The following TBX5 variants were observed in gnomAD, a reference collection of about 807,000 sequenced individuals.
TBX5 encodes T-box transcription factor 5, also known as T-box transcription factor TBX5.
TBX5 carries 8 observed loss-of-function variants against 51.1 expected under a neutral mutation model. The observed-to-expected ratio is 0.16, with a 90% CI of 0.09 to 0.28. The LOEUF is 0.28. Among genes scored for constraint, TBX5 ranks in the 10% least tolerant of loss-of-function variants. The probability of loss-of-function intolerance (pLI) is 1.00; values close to 1 mark genes in which losing one functional copy is unlikely to be tolerated. For missense variants in TBX5, 589 were observed against 671.7 expected, an observed-to-expected ratio of 0.88 and a Z score of 1.36; for synonymous variants, 302 against 266.4, an observed-to-expected ratio of 1.13 and a Z score of -1.30.
intron 7 of TBX5, among the ~76,000 whole-genome samples, chr12:114,368,020 C>T (rs1206296056): frequency 3.9e-5 from 6 of 152,130 alleles, no homozygotes; most frequent in African/African-American, 1.2e-4. Flanking sequence ...GTCAGTAAAT[C>T]CCAAACTTCA....
At chr12:114,398,489 C>T in intron 5 of TBX5, 84 bp downstream of exon 5, 8 of 1,549,334 alleles carry the variant, frequency 5.2e-6, no homozygotes, top group Non-Finnish European at 7.0e-6. Context: ...GCACACAGAG[C>T]CAAGAAGGGA....
intron 7 of TBX5, among the ~76,000 whole-genome samples, chr12:114,372,376 C>T (rs762119835): frequency 1.9e-4 from 29 of 152,108 alleles, no homozygotes; most frequent in African/African-American, 1.2e-4. Context: ...ATGAACATAG[C>T]TCACGGTGAC....
rs1445260126 is a variant in TBX5 at position 114,360,811 on chromosome 12, G to A, written c.983-4705C>T. On this transcript the variant is annotated intron_variant, in intron 8 of 8. Transcript: ENST00000405440. ...ATGACTTTTTGTTGTTGTTGTTTTT[G>A]TTGTTGTTGTTATTTGTTTTTGGTG... Among the ~76,000 whole-genome samples the A allele has an allele frequency of 3.9e-5, 6 of 152,122 alleles. No homozygotes were observed. The South Asian group carries it at 1.0e-3, about 26-fold the overall frequency.
Position 114,355,636 on chromosome 12 carries a change from G to C in TBX5, c.1453C>G (p.Pro485Ala), listed in dbSNP as rs746726123. 5.6e-6 allele frequency: 9 copies of C among 1,614,190 alleles called. No homozygotes were observed. In the Admixed American group the frequency reaches 1.5e-4, roughly 27 times the overall value. ...GLQSPGTLQP[P>A]EFLYSHGVPR... ...ACGCCATGAGAGTAGAGGAACTCAG[G>C]GGGCTGAAGGGTGCCAGGGGACTGC... The change falls in exon 9 of 9, where the codon CCT becomes GCT. Residue 485 changes from proline to alanine, a missense_variant. Physicochemically the swap from Pro to Ala is conservative, Grantham distance 27. Coordinates refer to ENST00000405440, the MANE Select transcript of TBX5 (RefSeq NM_181486.4).
intron 6 of TBX5, among the ~76,000 whole-genome samples, chr12:114,393,730 C>G (rs773263204): frequency 6.6e-6 from 1 of 152,136 alleles, no homozygotes; most frequent in Non-Finnish European, 1.5e-5. Context: ...ACAATCCATG[C>G]GACAGCATAC....
intron 6 of TBX5, among the ~76,000 whole-genome samples, chr12:114,393,161 T>A (rs561383889): frequency 6.6e-6 from 1 of 152,092 alleles, no homozygotes; most frequent in Non-Finnish European, 1.5e-5. Context: ...AGGGGAGGAT[T>A]TGGGGTGCTA....
intron 4 of TBX5, among the ~76,000 whole-genome samples, chr12:114,399,074 G>T (rs900438524): frequency 6.6e-6 from 1 of 152,186 alleles, no homozygotes; most frequent in Non-Finnish European, 1.5e-5. Context: ...CCATGGGAAC[G>T]ATTCTACCCA....
chr12:114,404,254 G>C (rs1246744949), intron 1 of TBX5, among the ~76,000 whole-genome samples: 2 of 152,234 alleles, frequency 1.3e-5, no homozygotes, highest in East Asian at 3.9e-4. Context: ...CGTCAAATTT[G>C]TCTGGACTTC....
rs373151493 is a variant in TBX5 at position 114,389,531 on chromosome 12, G to A, written c.664-3964C>T. Among the ~76,000 whole-genome samples the A allele has an allele frequency of 1.3e-4, 20 of 150,458 alleles. No individual in the cohort carries two copies. The East Asian group carries it at 3.6e-3, about 27-fold the overall frequency. ...GCACTTTGGGAGGCAGAGGCGGGCGGATCACGAGGTCAGGAGATCGAGACC... is the reference window on the plus strand; with the variant it reads ...GCACTTTGGGAGGCAGAGGCGGGCGAATCACGAGGTCAGGAGATCGAGACC... On this transcript the variant is annotated intron_variant, in intron 6 of 8. Transcript: ENST00000405440.
chr12:114,387,149 T>C (rs1233472900), intron 6 of TBX5, among the ~76,000 whole-genome samples: 2 of 151,964 alleles, frequency 1.3e-5, no homozygotes, highest in Admixed American at 6.6e-5. Flanking sequence ...CAAAAAACAC[T>C]TTCTCTGTGA....
intron 5 of TBX5, among the ~76,000 whole-genome samples, chr12:114,398,209 C>G (rs529666433): frequency 1.3e-5 from 2 of 152,218 alleles, no homozygotes; most frequent in Admixed American, 6.5e-5. Flanking sequence ...CACCAAGGAA[C>G]GACAGACCCA....
chr12:114,364,597 G>A (rs1180914636), intron 8 of TBX5, among the ~76,000 whole-genome samples: 3 of 152,092 alleles, frequency 2.0e-5, no homozygotes, highest in Non-Finnish European at 4.4e-5. Flanking sequence ...CATCCCTTCT[G>A]TATCTGTCTT....
chr12:114,398,765 A>C, intron 4 of TBX5, 45 bp from the exon 5 acceptor site: 1 of 1,575,080 alleles, frequency 6.3e-7, no homozygotes, highest in Non-Finnish European at 8.6e-7. Context: ...CAGAGTCTGG[A>C]GGTAGCGCAC....
chr12:114,390,966 G>A (rs890017527), intron 6 of TBX5, among the ~76,000 whole-genome samples: 3 of 152,174 alleles, frequency 2.0e-5, no homozygotes, highest in African/African-American at 7.2e-5. Context: ...CGAGATCACA[G>A]CTGGGCTGAG....
At chr12:114,385,339 C>T (rs1442629131) in intron 7 of TBX5, 137 bp downstream of exon 7, 15 of 778,000 alleles carry the variant, frequency 1.9e-5, no homozygotes, top group Non-Finnish European at 2.7e-5. Context: ...AGAGGGGGCT[C>T]ATTCTCCCCA....
intron 7 of TBX5, among the ~76,000 whole-genome samples, chr12:114,380,500 A>G (rs1196031461): frequency 2.0e-5 from 3 of 152,018 alleles, no homozygotes; most frequent in African/African-American, 7.3e-5. Flanking sequence ...CTTTCTTAGA[A>G]CTCAGTCTCA....
At chr12:114,377,200 T>C (rs759284379) in intron 7 of TBX5, among the ~76,000 whole-genome samples, 6 of 152,166 alleles carry the variant, frequency 3.9e-5, no homozygotes, top group African/African-American at 1.2e-4. Context: ...TTCTCATTAA[T>C]TGGGCATTCA....
In TBX5 at chr12:114,386,127, C is replaced by T. The variant is rs75353147; in HGVS notation, c.664-560G>A. 1.6e-3 allele frequency among the ~76,000 whole-genome samples: 251 copies of T among 152,206 alleles called. 3 individuals carry two copies. The East Asian group carries it at 0.024, about 14-fold the overall frequency. ...GGAAAATGGTGCCTAATGAAATAAA[C>T]GCCAATATACATAATGATAACTTAT... On this transcript the variant is annotated intron_variant, in intron 6 of 8. Transcript: ENST00000405440.
At chr12:114,362,448 C>T (rs1869293189) in intron 8 of TBX5, among the ~76,000 whole-genome samples, 1 of 152,104 alleles carries the variant, frequency 6.6e-6, no homozygotes, top group Non-Finnish European at 1.5e-5. Flanking sequence ...TCTGTTCACT[C>T]CCCAGGGGGC....
Sources: gnomAD v4.1 joint callset for allele counts (sites outside exome capture counted in the v4.1 genomes callset) on GRCh38, gnomAD v4.1.1 for gene constraint, MANE v1.5 for transcripts, NCBI Gene and HGNC (gene_info 2026-07-23, HGNC 2026-07-21) for gene names.